EIF3H: variants seen among roughly 807,000 people sequenced by gnomAD.
The protein encoded by EIF3H is eIF-3-gamma.
In EIF3H, 26 loss-of-function variants were observed where a neutral mutation model predicts 44.2. The ratio of observed to expected loss-of-function variants is 0.59; its 90% CI spans 0.43 to 0.82. The LOEUF (loss-of-function observed/expected upper bound fraction) is 0.82, where lower values mean the gene tolerates loss of function less well. EIF3H is among the 40% of genes least tolerant of loss of function. The pLI is 0.00. For missense variants in EIF3H, 359 were observed against 432.8 expected (o/e 0.83, Z 1.51); for synonymous variants, 166 against 151.9 (o/e 1.09, Z -0.68).
At chr8:116,684,214 A>G (rs1814036958) in intron 2 of EIF3H, among the ~76,000 whole-genome samples, 1 of 152,214 alleles carries the variant, frequency 6.6e-6, no homozygotes, top group Admixed American at 6.5e-5. Context: ...CTCTTATACA[A>G]CCACTGGAGA....
rs1235659950 is a variant in EIF3H, at chr8:116,642,537, A to G, written c.*2469T>C. On this transcript the variant is annotated 3_prime_UTR_variant, in exon 8 of 8. Coordinates refer to ENST00000521861, the MANE Select transcript of EIF3H (RefSeq NM_003756.3). ...ATTAGATTATTATCAATGATTAGAA[A>G]GTTAATGTCAAATATCTTCTACTTT... 1 of 150,912 alleles carries G rather than the reference A, an allele frequency of 6.6e-6. No individual in the cohort carries two copies. The highest frequency in any genetic ancestry group is 1.5e-5 in the Non-Finnish European group (1 of 68,024). 9.3% of individuals were successfully genotyped at this position (150,912 alleles called of 1,614,324 possible).
intron 2 of EIF3H, among the ~76,000 whole-genome samples, chr8:116,670,067 T>C (rs1813728013): frequency 6.6e-6 from 1 of 152,244 alleles, no homozygotes; most frequent in Non-Finnish European, 1.5e-5. Context: ...TTACATTTCC[T>C]GTTATGACAA....
intron 1 of EIF3H, among the ~76,000 whole-genome samples, chr8:116,728,486 A>G (rs1814894423): frequency 6.6e-6 from 1 of 152,106 alleles, no homozygotes. Context: ...GATAGTTAAA[A>G]TAACCAGGTA....
At chr8:116,722,562 T>C (rs1363604194) in intron 2 of EIF3H, among the ~76,000 whole-genome samples, 1 of 152,166 alleles carries the variant, frequency 6.6e-6, no homozygotes. Flanking sequence ...TCTTACTACA[T>C]ATGTATGTAT....
chr8:116,716,707 G>T (rs1333036938), intron 2 of EIF3H, among the ~76,000 whole-genome samples: 1 of 152,036 alleles, frequency 6.6e-6, no homozygotes, highest in Non-Finnish European at 1.5e-5. Context: ...CTACTCAACT[G>T]TGCCACTGTA....
intron 4 of EIF3H, 92 bp from the exon 5 acceptor site, chr8:116,656,097 T>C: frequency 8.4e-7 from 1 of 1,195,082 alleles, no homozygotes; most frequent in Non-Finnish European, 1.2e-6. Context: ...ACAGGCCCTA[T>C]CCAAGATCTT....
chr8:116,754,569 T>TA (rs757545120), intron 1 of EIF3H, among the ~76,000 whole-genome samples: 1 of 152,244 alleles, frequency 6.6e-6, no homozygotes, highest in Non-Finnish European at 1.5e-5. Context: ...GGTCACCACA[T>TA]AAACTTTTTC....
intron 2 of EIF3H, among the ~76,000 whole-genome samples, chr8:116,707,163 T>C (rs1480609915): frequency 1.3e-5 from 2 of 152,226 alleles, no homozygotes; most frequent in African/African-American, 4.8e-5. Context: ...TTAGTAATCT[T>C]AGTTCTGTCT....
At chr8:116,665,259 A>C (rs1813649222) in intron 2 of EIF3H, among the ~76,000 whole-genome samples, 1 of 152,240 alleles carries the variant, frequency 6.6e-6, no homozygotes, top group Non-Finnish European at 1.5e-5. Flanking sequence ...ACCAATAATA[A>C]ACCAATAAAT....
Position 116,666,884 on chromosome 8 carries a change from T to C in EIF3H, c.290-7904A>G, listed in dbSNP as rs557919329. Among the ~76,000 whole-genome samples the C allele has an allele frequency of 4.6e-5, 7 of 150,866 alleles. No homozygotes were observed. In the East Asian group the frequency reaches 7.9e-4, roughly 17 times the overall value. On this transcript the variant is annotated intron_variant, in intron 2 of 7. Coordinates refer to ENST00000521861, the MANE Select transcript of EIF3H (RefSeq NM_003756.3). ...AGGTGCTGAAAATATTTCCAAAGAA[T>C]GGAATATTTAAAAAACGTGATTGTT... is the stretch of plus-strand genomic sequence containing the variant.
At chr8:116,661,297 C>T (rs926410402) in intron 2 of EIF3H, among the ~76,000 whole-genome samples, 3 of 152,086 alleles carry the variant, frequency 2.0e-5, no homozygotes, top group Non-Finnish European at 2.9e-5. Context: ...ACTGACAGAA[C>T]GAGTAAGATT....
intron 5 of EIF3H, among the ~76,000 whole-genome samples, chr8:116,654,347 T>C (rs1813452200): frequency 6.6e-6 from 1 of 152,234 alleles, no homozygotes; most frequent in Non-Finnish European, 1.5e-5. Flanking sequence ...ATGGACATTA[T>C]AGACCAGCTC....
At chr8:116,673,744 C>G (rs541438113) in intron 2 of EIF3H, among the ~76,000 whole-genome samples, 3 of 152,230 alleles carry the variant, frequency 2.0e-5, no homozygotes, top group African/African-American at 7.2e-5. Context: ...GACTTAAGCT[C>G]ATGCCACACG....
chr8:116,670,021 T>A (rs948042221), intron 2 of EIF3H, among the ~76,000 whole-genome samples: 3 of 152,144 alleles, frequency 2.0e-5, no homozygotes, highest in African/African-American at 7.2e-5. Flanking sequence ...AAATCTGAGG[T>A]TAGGAACCTA....
Position 116,764,479 on chromosome 8 carries a change from A to G in EIF3H, c.-27+1036T>C, listed in dbSNP as rs191915141. Reference sequence around the variant, plus strand: ...TGCTTTATTACAAAAAAGGTCCTTCAGGAACACTAATGAGCATAATAATGA... The same window carrying G: ...TGCTTTATTACAAAAAAGGTCCTTCGGGAACACTAATGAGCATAATAATGA... On this transcript the variant is annotated intron_variant, in intron 1 of 9. Coordinates refer to the EIF3H transcript ENST00000276682. 3.3e-5 allele frequency among the ~76,000 whole-genome samples: 5 copies of G among 152,338 alleles called. No homozygotes were observed. The East Asian group carries it at 9.6e-4, about 29-fold the overall frequency.
At chr8:116,686,927 A>T (rs1814088031) in intron 2 of EIF3H, among the ~76,000 whole-genome samples, 1 of 152,228 alleles carries the variant, frequency 6.6e-6, no homozygotes, top group African/African-American at 2.4e-5. Context: ...AATAAAAAAT[A>T]AAGCTGGGAA....
intron 2 of EIF3H, among the ~76,000 whole-genome samples, chr8:116,709,950 CT>C (rs1449421318): frequency 6.6e-6 from 1 of 152,124 alleles, no homozygotes; most frequent in African/African-American, 2.4e-5. Flanking sequence ...CGGTGCACAC[CT>C]TCATTTTTTA....
intron 2 of EIF3H, among the ~76,000 whole-genome samples, chr8:116,691,571 C>G (rs1341968908): frequency 1.3e-5 from 2 of 151,638 alleles, no homozygotes; most frequent in African/African-American, 2.4e-5. Flanking sequence ...AAAAAAAAGC[C>G]TATAAAAGAA....
intron 2 of EIF3H, among the ~76,000 whole-genome samples, chr8:116,713,429 T>C (rs1814607393): frequency 6.6e-6 from 1 of 152,028 alleles, no homozygotes; most frequent in African/African-American, 2.4e-5. Flanking sequence ...TGCACAAGAG[T>C]TTCTCAACTC....
Sources: allele counts gnomAD v4.1 joint callset (sites outside exome capture counted in the v4.1 genomes callset), GRCh38; gene constraint gnomAD v4.1.1; transcripts MANE v1.5; gene names NCBI Gene and HGNC (gene_info 2026-07-23, HGNC 2026-07-21).